The following EZH1 variants were observed in gnomAD, a reference collection of about 807,000 sequenced individuals.
EZH1 encodes enhancer of zeste 1 polycomb repressive complex 2 subunit, also known as histone-lysine N-methyltransferase EZH1.
Under a neutral mutation model 100.5 loss-of-function variants are expected in EZH1, and 33 were observed. That is an observed-to-expected ratio of 0.33 (90% CI 0.25 to 0.44). The LOEUF (loss-of-function observed/expected upper bound fraction) is 0.44, where lower values mean the gene tolerates loss of function less well. Among genes scored for constraint, EZH1 ranks in the 20% least tolerant of loss-of-function variants. The probability of loss-of-function intolerance (pLI) is 1.00; values close to 1 mark genes in which losing one functional copy is unlikely to be tolerated. For synonymous variants in EZH1, 272 were observed against 313.8 expected (o/e 0.87, Z 1.41); for missense variants, 475 against 928.4 (o/e 0.51, Z 6.35).
intron 6 of EZH1, among the ~76,000 whole-genome samples, chr17:42,720,868 C>T (rs921634443): frequency 2.6e-5 from 4 of 152,036 alleles, no homozygotes; most frequent in Admixed American, 1.3e-4. Context: ...TCAGGCTGGT[C>T]GTGAACTCCA....
chr17:42,743,955 A>C (rs2054228308), intron 1 of EZH1, among the ~76,000 whole-genome samples: 1 of 152,166 alleles, frequency 6.6e-6, no homozygotes, highest in East Asian at 1.9e-4. Context: ...GGGTGTGGGA[A>C]TTTTTTTATT....
At chr17:42,733,203 G>A (rs1291241098) in intron 1 of EZH1, among the ~76,000 whole-genome samples, 1 of 151,848 alleles carries the variant, frequency 6.6e-6, no homozygotes, top group Admixed American at 6.6e-5. Context: ...CGGGCGTGGT[G>A]GCGCATGCCT....
chr17:42,711,905 AGCT>A (rs2053491053), intron 12 of EZH1, among the ~76,000 whole-genome samples: 7 of 151,950 alleles, frequency 4.6e-5, no homozygotes, highest in African/African-American at 1.7e-4. Context: ...CAGCTGCAGC[AGCT>A]GCAGCAGCAG....
chr17:42,720,513 A>G (rs2053684681), intron 6 of EZH1, 64 bp from the exon 7 acceptor site: 22 of 1,495,998 alleles, frequency 1.5e-5, no homozygotes, highest in Admixed American at 4.5e-5. Context: ...CCTCCTAGGC[A>G]GGTTTTCTTG....
At chr17:42,738,429 TTTATTTGTATTTA>T (rs144082646) in intron 1 of EZH1, among the ~76,000 whole-genome samples, 3,128 of 151,888 alleles carry the variant, frequency 0.021, 112 homozygotes, top group African/African-American at 0.072. Context: ...TTTAATTTTA[TTTATTTGTATTTA>T]TTATTTGTAT....
At position 42,707,718 on chromosome 17, in the gene EZH1, C is replaced by T. The variant is rs550404043; in HGVS notation, c.1660+240G>A. Among the ~76,000 whole-genome samples, 5 of 151,522 alleles carry T rather than the reference C, an allele frequency of 3.3e-5. No individual in the cohort carries two copies. The East Asian group carries it at 7.9e-4, about 24-fold the overall frequency. ...CATTTCTTAATTCTCCCCTAGAAGA[C>T]AAAGTTGGGAAAGTATCTGATTTCT... On this transcript the variant is annotated intron_variant, in intron 15 of 20. Coordinates refer to ENST00000428826, the MANE Select transcript of EZH1 (RefSeq NM_001991.5).
chr17:42,724,349 C>G lies in EZH1; in HGVS notation c.322G>C (p.Val108Leu). The G allele has an allele frequency of 6.2e-7, 1 of 1,614,020 alleles. No homozygotes were observed. The highest frequency in any genetic ancestry group is 8.5e-7 in the Non-Finnish European group (1 of 1,179,976). Residue 108 changes from valine (V) to leucine (L), a missense_variant, in exon 5 of 21, where the codon GTT (valine) becomes CTT (leucine). By Grantham distance (32) the Val-to-Leu change is conservative (BLOSUM62 1). Coordinates refer to ENST00000428826, the MANE Select transcript of EZH1 (RefSeq NM_001991.5). ...GGGGACCAGGAATACATGATGGGAA[C>G]CAATGCAACTGTGTTCAGTGACCTC... ...LMRSLNTVAL[V>L]PIMYSWSPLQ...
At chr17:42,728,355 C>A (rs1445784585) in intron 3 of EZH1, among the ~76,000 whole-genome samples, 2 of 150,774 alleles carry the variant, frequency 1.3e-5, no homozygotes, top group East Asian at 4.0e-4. Context: ...CTCAGGTGAT[C>A]CACCTGCCTT....
Position 42,718,189 on chromosome 17 carries a change from G to T in EZH1, c.932-122C>A. The T allele has an allele frequency of 1.1e-6, 1 of 949,754 alleles. No homozygotes were observed. The highest frequency in any genetic ancestry group is 1.6e-6 in the Non-Finnish European group (1 of 628,352). The allele number at this position is 949,754 out of a possible 1,614,324, so 58.8% of individuals were successfully genotyped here. A position where few individuals can be genotyped will look rare whatever the true frequency, so the allele number is the denominator to read the frequency against. On this transcript the variant is annotated intron_variant, in intron 9 of 20. Transcript: ENST00000428826. This position sits in a 1 kb window ranked among gnomAD's most constrained non-coding sequence, Gnocchi z 4.2. ...TTCGATATAAACGGCTACCATCAGGGTGCACAAAATTCAGTCATTTCTGAC... is the reference window on the plus strand; with the variant it reads ...TTCGATATAAACGGCTACCATCAGGTTGCACAAAATTCAGTCATTTCTGAC...
chr17:42,706,871 C>G lies in EZH1; in HGVS notation c.1661-686G>C, dbSNP rs927076801. Among the ~76,000 whole-genome samples the G allele has an allele frequency of 1.3e-5, 2 of 152,124 alleles. No homozygotes were observed. The highest frequency in any genetic ancestry group is 4.8e-5 in the African/African-American group (2 of 41,430). On this transcript the variant is annotated intron_variant, in intron 15 of 20. Coordinates refer to ENST00000428826, the MANE Select transcript of EZH1 (RefSeq NM_001991.5). The surrounding 1 kb of genome is among the most constrained non-coding windows in gnomAD (Gnocchi z 4.4). The stretch of plus-strand genomic sequence containing the variant: ...TATCATTTTGAGAACAGAATGCATC[C>G]GTTCTATGCCATCCTTCTCCACCCA...
chr17:42,718,235 G>T lies in EZH1; in HGVS notation c.932-168C>A. ...CTGACATCAACACAATGCTTTCAAA[G>T]CTAAGAGGTACTGAGGGACAGATAA... On this transcript the variant is annotated intron_variant, in intron 9 of 20. Coordinates refer to ENST00000428826, the MANE Select transcript of EZH1 (RefSeq NM_001991.5). The surrounding 1 kb of genome is among the most constrained non-coding windows in gnomAD (Gnocchi z 4.2). 1.2e-6 allele frequency: 1 copy of T among 834,860 alleles called. No homozygotes were observed. Among genetic ancestry groups the T allele is most frequent in the Non-Finnish European group, 1.9e-6 (1 of 537,218 alleles). The allele number at this position is 834,860 out of a possible 1,614,324, so 51.7% of individuals were successfully genotyped here.
intron 5 of EZH1, 78 bp from the exon 6 acceptor site, chr17:42,722,993 G>T: frequency 6.6e-7 from 1 of 1,516,376 alleles, no homozygotes; most frequent in Non-Finnish European, 8.8e-7. Flanking sequence ...AATCTTTGCT[G>T]AGCTTTGTTT....
intron 4 of EZH1, among the ~76,000 whole-genome samples, chr17:42,725,872 C>CTA (rs776473258): frequency 3.9e-5 from 6 of 151,960 alleles, no homozygotes; most frequent in Non-Finnish European, 8.8e-5. Flanking sequence ...TCTCAATACA[C>CTA]TATCTGCTTT....
At chr17:42,712,627 G>GCGTGAGCCAC in intron 11 of EZH1, 142 bp from the exon 12 acceptor site, 1 of 861,652 alleles carries the variant, frequency 1.2e-6, no homozygotes, top group Non-Finnish European at 1.8e-6. Flanking sequence ...TTTAGGCCAG[G>GCGTGAGCCAC]CATGGTGGCT....
At chr17:42,740,133 G>A (rs567966904) in intron 1 of EZH1, among the ~76,000 whole-genome samples, 7 of 151,836 alleles carry the variant, frequency 4.6e-5, no homozygotes, top group Non-Finnish European at 1.0e-4. Flanking sequence ...ACTGCACTTC[G>A]ACCTCCCAGG....
chr17:42,742,918 T>C (rs1258726283), intron 1 of EZH1, among the ~76,000 whole-genome samples: 1 of 152,128 alleles, frequency 6.6e-6, no homozygotes, highest in Non-Finnish European at 1.5e-5. Context: ...TCACCCATGC[T>C]GCAATGCAGT....
At position 42,724,796 on chromosome 17, in the gene EZH1, G is replaced by GA. The variant is rs1010462515; in HGVS notation, c.247-373dup. On this transcript the variant is annotated intron_variant, in intron 4 of 20. Coordinates refer to ENST00000428826, the MANE Select transcript of EZH1 (RefSeq NM_001991.5). Reference sequence around the variant, plus strand: ...CTCAAGAAAAAAAAGAAAAAAAAGAGAAAAAAAATGATCTTAGTAGCCTCT... The same window carrying GA: ...CTCAAGAAAAAAAAGAAAAAAAAGAGAAAAAAAAATGATCTTAGTAGCCTCT... 2.0e-5 allele frequency among the ~76,000 whole-genome samples: 3 copies of GA among 149,648 alleles called. No homozygotes were observed. The South Asian group carries it at 6.3e-4, about 32-fold the overall frequency.
intron 17 of EZH1, 122 bp downstream of exon 17, chr17:42,704,966 G>T: frequency 2.4e-6 from 2 of 846,704 alleles, no homozygotes; most frequent in Non-Finnish European, 3.8e-6. Flanking sequence ...TCCCCAAGAG[G>T]CCACGTGAGA....
At position 42,705,769 on chromosome 17, in the gene EZH1, C is replaced by T. The variant is rs552746020; in HGVS notation, c.1839+238G>A. ...TCTTGACCTCATGATCCGCTGGCCT[C>T]GGCCTCCCAAACTGCTGGGATTACA... On this transcript the variant is annotated intron_variant, in intron 16 of 20. Coordinates refer to ENST00000428826, the MANE Select transcript of EZH1 (RefSeq NM_001991.5). 275 of 347,632 alleles carry T rather than the reference C, an allele frequency of 7.9e-4. 1 individual carries two copies. Among genetic ancestry groups the T allele is most frequent in the Non-Finnish European group, 4.0e-4 (77 of 193,174 alleles). 21.5% of individuals were successfully genotyped at this position (347,632 alleles called of 1,614,324 possible).
Sources: gnomAD v4.1 joint callset for allele counts (sites outside exome capture counted in the v4.1 genomes callset) on GRCh38, gnomAD v4.1.1 for gene constraint, Gnocchi (gnomAD v3.1) non-coding constraint, MANE v1.5 for transcripts, NCBI Gene and HGNC (gene_info 2026-07-23, HGNC 2026-07-21) for gene names.